SMKR1: variants seen among roughly 807,000 people sequenced by gnomAD.
SMKR1 encodes the protein small lysine rich protein 1.
A neutral mutation model predicts 4.0 loss-of-function variants in SMKR1; 4 were observed. That is an observed-to-expected ratio of 1.00 (90% CI 0.49 to 2.30). SMKR1 has a LOEUF of 2.30. Ranked by LOEUF, SMKR1 falls within the 30% of genes most tolerant of loss-of-function variation. The probability of loss-of-function intolerance (pLI) is 0.02; values close to 1 mark genes in which losing one functional copy is unlikely to be tolerated. For synonymous variants in SMKR1, 38 were observed against 32.5 expected, an observed-to-expected ratio of 1.17 and a Z score of -0.58; for missense variants, 56 against 81.8, an observed-to-expected ratio of 0.68 and a Z score of 1.22.
chr7:129,503,794 C>T (rs1462814093), intron 1 of SMKR1, among the ~76,000 whole-genome samples: 1 of 148,886 alleles, frequency 6.7e-6, no homozygotes, highest in African/African-American at 2.5e-5. Flanking sequence ...GTTTGAGAGT[C>T]ATTCCATGAG....
intron 1 of SMKR1, among the ~76,000 whole-genome samples, chr7:129,509,919 G>C (rs763484792): frequency 1.4e-4 from 21 of 152,250 alleles, no homozygotes; most frequent in African/African-American, 4.1e-4. Flanking sequence ...CTGTGAATAG[G>C]ACATCTATTT....
chr7:129,508,184 G>A (rs556542900), intron 1 of SMKR1, among the ~76,000 whole-genome samples: 3 of 152,154 alleles, frequency 2.0e-5, no homozygotes, highest in Admixed American at 6.5e-5. Flanking sequence ...TTTTATATAT[G>A]GTGAGACTAT....
chr7:129,503,012 G>T (rs777610442), intron 1 of SMKR1, among the ~76,000 whole-genome samples, 185 bp downstream of exon 1: 16 of 151,694 alleles, frequency 1.1e-4, no homozygotes, highest in Non-Finnish European at 1.2e-4. Flanking sequence ...AGCAGCCGCG[G>T]AGTCAGGCCA....
chr7:129,502,901 C>G, intron 1 of SMKR1, 74 bp downstream of exon 1: 1 of 1,528,808 alleles, frequency 6.5e-7, no homozygotes, highest in Non-Finnish European at 8.7e-7. Flanking sequence ...CGGAGAGGCG[C>G]GGGCGCCGAG....
chr7:129,505,483 CT>C (rs879607372), intron 1 of SMKR1, among the ~76,000 whole-genome samples: 208 of 144,834 alleles, frequency 1.4e-3, no homozygotes, highest in Middle Eastern at 3.6e-3. Flanking sequence ...CTCTTTTTCT[CT>C]TTTTTTTTTT....
In SMKR1 at chr7:129,512,632, C is replaced by A; in HGVS notation, c.*191C>A. On this transcript the variant is annotated 3_prime_UTR_variant, in exon 2 of 2. Transcript: ENST00000462322. ...CTCTGTTATGCCAGATATGGTTAGC[C>A]ACTTTGGTTTTTTAGGAGCTATAGG... 1.6e-6 allele frequency: 1 copy of A among 617,280 alleles called. No individual in the cohort carries two copies. The highest frequency in any genetic ancestry group is 2.6e-6 in the Non-Finnish European group (1 of 384,626). 38.2% of individuals were successfully genotyped at this position (617,280 alleles called of 1,614,324 possible). A position where few individuals can be genotyped will look rare whatever the true frequency, so the allele number is the denominator to read the frequency against.
At chr7:129,507,378 G>A (rs1799481045) in intron 1 of SMKR1, among the ~76,000 whole-genome samples, 1 of 151,638 alleles carries the variant, frequency 6.6e-6, no homozygotes, top group African/African-American at 2.4e-5. Flanking sequence ...TTGAACTCCT[G>A]GGCTCAAGCG....
intron 1 of SMKR1, 107 bp downstream of exon 1, chr7:129,502,934 G>A (rs610591): frequency 0.89 from 1,312,509 of 1,480,700 alleles, 583,910 homozygotes; most frequent in East Asian, 0.97. Context: ...CCCTGGGGTC[G>A]ACCTCAACGC....
In SMKR1 at chr7:129,503,962, G is replaced by A. The variant is rs147330988; in HGVS notation, c.3+1135G>A. ...CCCGCCTCAGCCTCCCAAGTAGCTC[G>A]GACCGTAGGCAGGCATCACCATGCC... On this transcript the variant is annotated intron_variant, in intron 1 of 1. Transcript: ENST00000462322. Among the ~76,000 whole-genome samples, 815 of 151,408 alleles carry A rather than the reference G, an allele frequency of 5.4e-3. 2 individuals are homozygous for A. The highest frequency in any genetic ancestry group is 7.9e-3 in the Non-Finnish European group (535 of 67,900).
chr7:129,503,334 A>C (rs572453023), intron 1 of SMKR1, among the ~76,000 whole-genome samples: 1 of 152,268 alleles, frequency 6.6e-6, no homozygotes, highest in South Asian at 2.1e-4. Flanking sequence ...CTCTTTCCAG[A>C]AGGGCTGTGA....
chr7:129,504,392 T>C (rs917077567), intron 1 of SMKR1, among the ~76,000 whole-genome samples: 1 of 152,206 alleles, frequency 6.6e-6, no homozygotes, highest in Non-Finnish European at 1.5e-5. Context: ...AGACTTTGCA[T>C]AGGCTGTTGG....
chr7:129,505,483 C>CTTTT (rs879607372), intron 1 of SMKR1, among the ~76,000 whole-genome samples: 2 of 145,130 alleles, frequency 1.4e-5, no homozygotes, highest in African/African-American at 5.0e-5. Context: ...CTCTTTTTCT[C>CTTTT]TTTTTTTTTT....
Position 129,512,276 on chromosome 7 carries a change from G to A in SMKR1, c.33G>A (p.Gln11=). MPAKGKKGKG[Q]GKSHGKKQKK... is the part of the protein sequence containing the mutation. Reference sequence around the variant, plus strand: ...CTAAAGGGAAAAAAGGAAAAGGCCAGGGCAAGTCTCATGGGAAGAAACAGA... The same window carrying A: ...CTAAAGGGAAAAAAGGAAAAGGCCAAGGCAAGTCTCATGGGAAGAAACAGA... The change falls in exon 2 of 2, where the codon CAG becomes CAA. Residue 11 remains glutamine, a synonymous_variant. Coordinates refer to ENST00000462322, the MANE Select transcript of SMKR1 (RefSeq NM_001195243.2). 2 of 1,533,824 alleles carry A rather than the reference G, an allele frequency of 1.3e-6. No individual in the cohort carries two copies. The highest frequency in any genetic ancestry group is 1.7e-6 in the Non-Finnish European group (2 of 1,146,218).
intron 1 of SMKR1, among the ~76,000 whole-genome samples, chr7:129,509,151 A>G (rs1799499876): frequency 6.6e-6 from 1 of 152,160 alleles, no homozygotes; most frequent in Non-Finnish European, 1.5e-5. Context: ...CGTCTCTACT[A>G]AAAATACAAA....
intron 1 of SMKR1, among the ~76,000 whole-genome samples, chr7:129,510,554 C>T (rs1468751997): frequency 2.6e-5 from 4 of 152,106 alleles, no homozygotes; most frequent in East Asian, 1.9e-4. Context: ...GGCAACATAG[C>T]GAGACTGTCT....
chr7:129,510,263 C>T (rs1799512374), intron 1 of SMKR1, among the ~76,000 whole-genome samples: 1 of 152,162 alleles, frequency 6.6e-6, no homozygotes, highest in Non-Finnish European at 1.5e-5. Flanking sequence ...AGGATGGTAT[C>T]CATTTATTTT....
chr7:129,506,199 G>A (rs2151027423), intron 1 of SMKR1, among the ~76,000 whole-genome samples: 1 of 152,306 alleles, frequency 6.6e-6, no homozygotes, highest in South Asian at 2.1e-4. Context: ...CAGAATTTTG[G>A]GAGGCTGAGG....
rs1443383842 is a variant in SMKR1, at chr7:129,512,659, T to C, written c.*218T>C. The C allele has an allele frequency of 2.0e-6, 1 of 500,774 alleles. No homozygotes were observed. The highest frequency in any genetic ancestry group is 2.0e-5 in the African/African-American group (1 of 50,178). The allele number at this position is 500,774 out of a possible 1,614,324, so 31.0% of individuals were successfully genotyped here. On this transcript the variant is annotated 3_prime_UTR_variant, in exon 2 of 2. Coordinates refer to ENST00000462322, the MANE Select transcript of SMKR1 (RefSeq NM_001195243.2). ...CTTTGGTTTTTTAGGAGCTATAGGATGGGAAAAGCCTGAGTAATTCCTACA... is the reference window on the plus strand; with the variant it reads ...CTTTGGTTTTTTAGGAGCTATAGGACGGGAAAAGCCTGAGTAATTCCTACA...
In SMKR1 at chr7:129,502,668, C is replaced by A; in HGVS notation, c.-157C>A. On this transcript the variant is annotated 5_prime_UTR_variant, in exon 1 of 2. Transcript: ENST00000462322. ...CTCCCAGCGAGGCGTGGCGGGGAGG[C>A]GTAGTGAGGCTGGGCCCGTGGCGGT... 1.9e-6 allele frequency: 2 copies of A among 1,076,708 alleles called. No homozygotes were observed. Among genetic ancestry groups the A allele is most frequent in the Non-Finnish European group, 2.6e-6 (2 of 770,764 alleles). The allele number at this position is 1,076,708 out of a possible 1,614,324, so 66.7% of individuals were successfully genotyped here.
Sources: gnomAD v4.1 joint callset for allele counts (sites outside exome capture counted in the v4.1 genomes callset) on GRCh38, gnomAD v4.1.1 for gene constraint, MANE v1.5 for transcripts, NCBI Gene and HGNC (gene_info 2026-07-23, HGNC 2026-07-21) for gene names.